The following SEPTIN2 variants were observed in gnomAD, a reference collection of about 807,000 sequenced individuals.
SEPTIN2 encodes the protein septin 2.
A neutral mutation model predicts 46.5 loss-of-function variants in SEPTIN2; 34 were observed. That is an observed-to-expected ratio of 0.73 (90% CI 0.56 to 0.97). The LOEUF is 0.97. SEPTIN2 is among the 50% of genes least tolerant of loss of function. The probability of loss-of-function intolerance (pLI) is 0.00; values close to 1 mark genes in which losing one functional copy is unlikely to be tolerated. For synonymous variants in SEPTIN2, 175 were observed against 153.4 expected, an observed-to-expected ratio of 1.14 and a Z score of -1.04; for missense variants, 347 against 448.4, an observed-to-expected ratio of 0.77 and a Z score of 2.04.
At chr2:241,328,331 T>C (rs1002925907) in intron 3 of SEPTIN2, among the ~76,000 whole-genome samples, 1 of 152,110 alleles carries the variant, frequency 6.6e-6, no homozygotes, top group Non-Finnish European at 1.5e-5. Flanking sequence ...CTTGGGAGGC[T>C]GAGGCCAGGA....
At chr2:241,330,970 G>T (rs2078892197) in intron 3 of SEPTIN2, among the ~76,000 whole-genome samples, 6 of 152,216 alleles carry the variant, frequency 3.9e-5, no homozygotes, top group Admixed American at 3.9e-4. Context: ...AGGAGTTTAA[G>T]ACCAGCCCCC....
intron 10 of SEPTIN2, chr2:241,346,667 G>A (rs2060268230): frequency 1.3e-5 from 2 of 152,846 alleles, no homozygotes. Context: ...GGCTGAGTTG[G>A]GAGGAGCAGT....
At chr2:241,340,361 C>T (rs1027446171) in intron 7 of SEPTIN2, among the ~76,000 whole-genome samples, 5 of 152,110 alleles carry the variant, frequency 3.3e-5, no homozygotes, top group Non-Finnish European at 5.9e-5. Flanking sequence ...TTGACTATCA[C>T]GTTGCAGATG....
chr2:241,317,131 G>C (rs918079103), intron 1 of SEPTIN2: 5 of 152,230 alleles, frequency 3.3e-5, no homozygotes, highest in African/African-American at 1.2e-4. Context: ...TCATGGTGTA[G>C]GGGTCATGAA....
chr2:241,316,349 G>A, intron 1 of SEPTIN2: 1 of 560,056 alleles, frequency 1.8e-6, no homozygotes, highest in Non-Finnish European at 2.9e-6. Context: ...GGAGGATACA[G>A]GTTTAGGCCC....
chr2:241,343,748 C>A lies in SEPTIN2; in HGVS notation c.697-4C>A. ...GCCTGTCTACTCTGTGTGTCTCTTT[C>A]TAGGCTAGCATCCCATTCTCTGTGG... On this transcript the variant is annotated splice_polypyrimidine_tract_variant and splice_region_variant and intron_variant, in intron 8 of 12. Transcript: ENST00000391971. 1 of 1,614,034 alleles carries A rather than the reference C, an allele frequency of 6.2e-7. No individual in the cohort carries two copies. Among genetic ancestry groups the A allele is most frequent in the South Asian group, 1.1e-5 (1 of 91,072 alleles).
chr2:241,337,840 T>TG, intron 7 of SEPTIN2, 50 bp downstream of exon 7: 1 of 1,309,926 alleles, frequency 7.6e-7, no homozygotes, highest in Non-Finnish European at 1.1e-6. Flanking sequence ...CTCGGGGGCA[T>TG]GGGGATGAAG....
At chr2:241,343,421 C>G (rs776388603) in intron 8 of SEPTIN2, among the ~76,000 whole-genome samples, 1 of 152,038 alleles carries the variant, frequency 6.6e-6, no homozygotes, top group Non-Finnish European at 1.5e-5. Context: ...ATCACTTGAA[C>G]CCAGGAGGCA....
intron 11 of SEPTIN2, 90 bp from the exon 12 acceptor site, chr2:241,349,983 A>C (rs376991758): frequency 2.4e-6 from 3 of 1,270,046 alleles, no homozygotes; most frequent in African/African-American, 1.5e-5. Flanking sequence ...AAGGTGTAGA[A>C]GTTGAAATTT....
At chr2:241,349,942 CTT>C (rs1250833733) in intron 11 of SEPTIN2, 129 bp from the exon 12 acceptor site, 1 of 783,034 alleles carries the variant, frequency 1.3e-6, no homozygotes, top group East Asian at 2.8e-5. Context: ...GGTAAAAAGT[CTT>C]TATGTAATAA....
intron 4 of SEPTIN2, 85 bp from the exon 5 acceptor site, chr2:241,335,890 G>T: frequency 6.4e-7 from 1 of 1,560,494 alleles, no homozygotes; most frequent in South Asian, 1.1e-5. Flanking sequence ...AGAGGCAGTA[G>T]ACTCTGAAGT....
chr2:241,337,162 C>T, intron 5 of SEPTIN2: 1 of 507,566 alleles, frequency 2.0e-6, no homozygotes, highest in Non-Finnish European at 3.5e-6. Flanking sequence ...ATAACCTATT[C>T]CATTCAGGCT....
Position 241,324,195 on chromosome 2 carries a change from TG to T in SEPTIN2, c.-17-20del. On this transcript the variant is annotated intron_variant, in intron 1 of 12. Transcript: ENST00000391971. ...CTATGTATGTGCGTTTATGTGTGTCTGTGTGTTTTTTTTTTAACAGACGAAG... is the reference window on the plus strand; with the variant it reads ...CTATGTATGTGCGTTTATGTGTGTCTTGTGTTTTTTTTTTAACAGACGAAG... 6.2e-7 allele frequency: 1 copy of T among 1,608,100 alleles called. No individual in the cohort carries two copies. Among genetic ancestry groups the T allele is most frequent in the South Asian group, 1.1e-5 (1 of 89,164 alleles).
chr2:241,347,502 G>A (rs980056904), intron 10 of SEPTIN2, among the ~76,000 whole-genome samples: 2 of 152,096 alleles, frequency 1.3e-5, no homozygotes, highest in African/African-American at 4.8e-5. Flanking sequence ...TTTGCCCCTC[G>A]TTCACTCACG....
intron 1 of SEPTIN2, among the ~76,000 whole-genome samples, chr2:241,319,851 C>T (rs531265345): frequency 7.2e-5 from 11 of 152,344 alleles, no homozygotes; most frequent in Admixed American, 7.2e-4. Context: ...GCCTCAGCTT[C>T]CCAAAGTGCT....
intron 3 of SEPTIN2, among the ~76,000 whole-genome samples, chr2:241,334,204 C>A (rs77823186): frequency 0.012 from 1,857 of 152,122 alleles, 31 homozygotes; most frequent in African/African-American, 0.043. Context: ...GATGTGTACT[C>A]CTTCCTCATG....
intron 7 of SEPTIN2, among the ~76,000 whole-genome samples, chr2:241,338,814 ATAT>A (rs1237805182): frequency 5.5e-5 from 6 of 108,568 alleles, no homozygotes; most frequent in East Asian, 2.1e-4. Flanking sequence ...TATTATATTT[ATAT>A]TATTTATATA....
chr2:241,320,345 G>A (rs2076957371), intron 1 of SEPTIN2: 1 of 470,392 alleles, frequency 2.1e-6, no homozygotes. Context: ...TCCAGTTTTT[G>A]GTTCTGTATT....
intron 7 of SEPTIN2, among the ~76,000 whole-genome samples, chr2:241,338,872 TTA>T (rs2080748455): frequency 1.9e-5 from 1 of 52,484 alleles, no homozygotes; most frequent in Non-Finnish European, 3.5e-5. Context: ...ATATATATAT[TTA>T]ATATATCTAT....
Sources: gnomAD v4.1 joint callset for allele counts (sites outside exome capture counted in the v4.1 genomes callset) on GRCh38, gnomAD v4.1.1 for gene constraint, MANE v1.5 for transcripts, NCBI Gene and HGNC (gene_info 2026-07-23, HGNC 2026-07-21) for gene names.